The following BCL11A variants were observed in gnomAD, a reference collection of about 807,000 sequenced individuals.
BCL11A encodes BCL11 transcription factor A.
BCL11A carries 2 observed loss-of-function variants against 55.9 expected under a neutral mutation model. The ratio of observed to expected loss-of-function variants is 0.04; its 90% CI spans 0.01 to 0.11. The LOEUF is 0.11. Among genes scored for constraint, BCL11A ranks in the 10% least tolerant of loss-of-function variants. BCL11A has a pLI of 1.00. For missense variants in BCL11A, 817 were observed against 1,137.1 expected, an observed-to-expected ratio of 0.72 and a Z score of 4.05; for synonymous variants, 465 against 473.4, an observed-to-expected ratio of 0.98 and a Z score of 0.23.
chr2:60,552,983 T>C (rs1249387597), intron 1 of BCL11A, among the ~76,000 whole-genome samples: 1 of 151,504 alleles, frequency 6.6e-6, no homozygotes, highest in Non-Finnish European at 1.5e-5. Flanking sequence ...TTTTGTAAAA[T>C]TAAATAAAAT....
chr2:60,502,930 C>T (rs188685973), intron 2 of BCL11A, among the ~76,000 whole-genome samples: 125 of 152,276 alleles, frequency 8.2e-4, no homozygotes, highest in African/African-American at 3.0e-3. Context: ...CTGTCTGGGG[C>T]TCCCAGAAGA....
intron 2 of BCL11A, among the ~76,000 whole-genome samples, chr2:60,487,752 C>T (rs1447208472): frequency 2.0e-5 from 3 of 152,116 alleles, no homozygotes; most frequent in Non-Finnish European, 4.4e-5. Flanking sequence ...AATTTTAATG[C>T]GGTAATTTTC....
chr2:60,456,716 T>C (rs1572943003), downstream of BCL11A, among the ~76,000 whole-genome samples: 2 of 152,162 alleles, frequency 1.3e-5, no homozygotes, highest in Admixed American at 6.5e-5. Flanking sequence ...TATTTTGTTA[T>C]GAGAAAAGAC....
chr2:60,521,460 C>T (rs917797473), intron 2 of BCL11A, among the ~76,000 whole-genome samples: 1 of 152,330 alleles, frequency 6.6e-6, no homozygotes, highest in East Asian at 1.9e-4. Flanking sequence ...ACCATGGCTC[C>T]CCTGTGACGG....
chr2:60,461,116 T>C lies in BCL11A; in HGVS notation c.1796A>G (p.Asp599Gly). 1 of 1,608,568 alleles carries C rather than the reference T, an allele frequency of 6.2e-7. No homozygotes were observed. Among genetic ancestry groups the C allele is most frequent in the Non-Finnish European group, 8.5e-7 (1 of 1,177,798 alleles). ...GCAGCCGCGGCCATTAACAGTGCCA[T>C]CGTCTATGCGGTCCGACTCGCCGGC... ...SVAGESDRID[D>G]GTVNGRGCSP... The change falls in exon 4 of 4, where the codon GAT (aspartate) becomes GGT (glycine). Residue 599 changes from aspartate (D) to glycine (G), a missense_variant. Around this residue, in one of 4 missense-constraint regions of BCL11A, gnomAD observed 379 missense variants for 425.3 expected, o/e 0.89. Coordinates refer to ENST00000642384, the MANE Select transcript of BCL11A (RefSeq NM_022893.4).
intron 2 of BCL11A, chr2:60,484,111 CT>C (rs1284161859): frequency 1.3e-5 from 2 of 152,208 alleles, no homozygotes; most frequent in East Asian, 3.8e-4. Context: ...ACAGCTCATG[CT>C]TTTGATGCTT....
downstream of BCL11A, among the ~76,000 whole-genome samples, chr2:60,456,580 C>G (rs1317857241): frequency 1.3e-5 from 2 of 152,120 alleles, no homozygotes; most frequent in African/African-American, 4.8e-5. Context: ...TGGCTACACC[C>G]CTAGTGGCTG....
At position 60,546,185 on chromosome 2, in the gene BCL11A, C is replaced by T. The variant is rs202025117; in HGVS notation, c.171G>A (p.Leu57=). The change falls in exon 2 of 4, where the codon TTG becomes TTA. Residue 57 remains leucine, a synonymous_variant. Transcript: ENST00000642384. This position sits in a 1 kb window ranked among gnomAD's most constrained non-coding sequence, Gnocchi z 4.1. ...TCGQCQMNFP[L]GDILIFIEHK... Reference sequence around the variant, plus strand: ...GCTCGATAAAAATAAGAATGTCCCCCAATGGGAAGTTCATCTGGCACTGCC... The same window carrying T: ...GCTCGATAAAAATAAGAATGTCCCCTAATGGGAAGTTCATCTGGCACTGCC... 2.5e-6 allele frequency: 4 copies of T among 1,614,212 alleles called. No individual in the cohort carries two copies. The highest frequency in any genetic ancestry group is 3.4e-6 in the Non-Finnish European group (4 of 1,180,040).
intron 2 of BCL11A, chr2:60,536,306 T>C (rs1308236605): frequency 1.3e-5 from 2 of 152,054 alleles, no homozygotes; most frequent in African/African-American, 4.8e-5. Context: ...ATCAAGGAAA[T>C]CGGAAAGAGA....
At chr2:60,451,240 G>A (rs1359432096) in exon 5 of BCL11A, 4 of 222,918 alleles carry the variant, frequency 1.8e-5, no homozygotes, top group Admixed American at 5.7e-5. Context: ...TTTTCACTAA[G>A]CTAGGTAATC....
chr2:60,458,014 AT>A lies in BCL11A; in HGVS notation c.*2389del. The stretch of plus-strand genomic sequence containing the variant: ...TATATTATCCTGCCAAATTAAAAAA[AT>A]ATACTGTGGCAGCCTGTCTTTTTTT... On this transcript the variant is annotated 3_prime_UTR_variant, in exon 4 of 4. Coordinates refer to ENST00000642384, the MANE Select transcript of BCL11A (RefSeq NM_022893.4). 1 of 1,034,968 alleles carries A rather than the reference AT, an allele frequency of 9.7e-7. No individual in the cohort carries two copies. Among genetic ancestry groups the A allele is most frequent in the Non-Finnish European group, 1.2e-6 (1 of 859,734 alleles). 64.1% of individuals were successfully genotyped at this position (1,034,968 alleles called of 1,614,324 possible).
chr2:60,493,551 AAAC>A (rs1183839686), intron 2 of BCL11A, among the ~76,000 whole-genome samples: 2 of 152,162 alleles, frequency 1.3e-5, no homozygotes, highest in Non-Finnish European at 2.9e-5. Context: ...AGAGACCCCA[AAAC>A]ATTCTTAAAA....
Position 60,477,654 on chromosome 2 carries a change from C to A in BCL11A, c.386-8821G>T, listed in dbSNP as rs1677694498. On this transcript the variant is annotated intron_variant, in intron 2 of 3. Transcript: ENST00000642384. ...AATCAAACATGGTGTTTCCAAGAGA[C>A]TCCTGATGTTTTGTTCGTGGGCACT... Among the ~76,000 whole-genome samples, 3 of 151,630 alleles carry A rather than the reference C, an allele frequency of 2.0e-5. No homozygotes were observed. The South Asian group carries it at 6.3e-4, about 32-fold the overall frequency.
At chr2:60,541,031 T>G (rs955752055) in intron 2 of BCL11A, among the ~76,000 whole-genome samples, 1 of 151,262 alleles carries the variant, frequency 6.6e-6, no homozygotes, top group Non-Finnish European at 1.5e-5. Flanking sequence ...TTTCACAGAA[T>G]AAACACAGAG....
intron 2 of BCL11A, chr2:60,532,805 T>C (rs1279825008): frequency 6.6e-6 from 1 of 152,228 alleles, no homozygotes; most frequent in Non-Finnish European, 1.5e-5. Context: ...TAAAACAATG[T>C]TTCACCATCT....
chr2:60,520,037 CATTT>C (rs1295624337), intron 2 of BCL11A, among the ~76,000 whole-genome samples: 1 of 152,148 alleles, frequency 6.6e-6, no homozygotes, highest in African/African-American at 2.4e-5. Flanking sequence ...CCTAAATTTT[CATTT>C]ATGCCTGTGT....
chr2:60,500,686 G>A (rs1679230584), intron 2 of BCL11A, among the ~76,000 whole-genome samples: 1 of 152,102 alleles, frequency 6.6e-6, no homozygotes, highest in Non-Finnish European at 1.5e-5. Flanking sequence ...AAGGCTGATG[G>A]GCTGTAGGCA....
chr2:60,499,156 C>T (rs1237028774), intron 2 of BCL11A, among the ~76,000 whole-genome samples: 2 of 152,204 alleles, frequency 1.3e-5, no homozygotes. Flanking sequence ...TCTCTGGTCT[C>T]GGGGCCCAAG....
At chr2:60,538,719 G>GTCTCTC (rs542617506) in intron 2 of BCL11A, among the ~76,000 whole-genome samples, 11 of 130,660 alleles carry the variant, frequency 8.4e-5, no homozygotes, top group African/African-American at 3.2e-4. Flanking sequence ...TAAACTGAAT[G>GTCTCTC]TCTCTCTCTC....
Sources: gnomAD v4.1 joint callset for allele counts (sites outside exome capture counted in the v4.1 genomes callset) on GRCh38, gnomAD v4.1.1 for gene constraint, gnomAD v4.1.1 regional missense constraint, Gnocchi (gnomAD v3.1) non-coding constraint, MANE v1.5 for transcripts, NCBI Gene and HGNC (gene_info 2026-07-23, HGNC 2026-07-21) for gene names.